Variants in EFCAB5 observed in about 807,000 individuals in gnomAD.
EFCAB5 encodes the protein EF-hand calcium binding domain 5, also known as EF-hand calcium-binding domain-containing protein 5.
In EFCAB5, 131 loss-of-function variants were observed where a neutral mutation model predicts 167.9. The ratio of observed to expected loss-of-function variants is 0.78; its 90% CI spans 0.68 to 0.90. The LOEUF (loss-of-function observed/expected upper bound fraction) is 0.90. EFCAB5 is among the 40% of genes least tolerant of loss of function. The pLI, the probability that EFCAB5 is intolerant of heterozygous loss-of-function variation, is 0.00. For missense variants in EFCAB5, 1,663 were observed against 1,745.2 expected (o/e 0.95, Z 0.84); for synonymous variants, 574 against 602.8 (o/e 0.95, Z 0.70).
intron 3 of EFCAB5, among the ~76,000 whole-genome samples, chr17:29,957,364 A>G (rs185948316): frequency 1.3e-5 from 2 of 152,190 alleles, no homozygotes; most frequent in East Asian, 1.9e-4. Context: ...TGTGCAGTAC[A>G]TGCAGGTTTG....
At chr17:30,082,086 T>C (rs1252885961) in intron 17 of EFCAB5, among the ~76,000 whole-genome samples, 6 of 152,202 alleles carry the variant, frequency 3.9e-5, no homozygotes, top group Admixed American at 6.5e-5. Context: ...GGTCTCCTTA[T>C]GCCTGTAAGA....
chr17:30,033,110 G>T (rs1384887212), intron 7 of EFCAB5, among the ~76,000 whole-genome samples: 1 of 150,340 alleles, frequency 6.7e-6, no homozygotes, highest in Non-Finnish European at 1.5e-5. Context: ...ACGGAGTCTC[G>T]CACTCTCGCC....
chr17:30,038,558 A>C (rs79919398), intron 8 of EFCAB5, among the ~76,000 whole-genome samples: 2 of 152,358 alleles, frequency 1.3e-5, no homozygotes, highest in East Asian at 3.9e-4. Flanking sequence ...GCCCATGGTC[A>C]AGGAGTCAGT....
chr17:29,973,977 G>A (rs1268791294), intron 4 of EFCAB5, among the ~76,000 whole-genome samples: 2 of 151,498 alleles, frequency 1.3e-5, no homozygotes, highest in African/African-American at 4.8e-5. Context: ...GGCCAACATG[G>A]TGAAACCCTG....
chr17:30,072,607 G>A (rs149301120), intron 14 of EFCAB5, among the ~76,000 whole-genome samples: 1 of 152,140 alleles, frequency 6.6e-6, no homozygotes, highest in African/African-American at 2.4e-5. Flanking sequence ...AAGATTATAA[G>A]TTGGTTGCAG....
chr17:29,967,229 G>C (rs1055409676), intron 3 of EFCAB5, among the ~76,000 whole-genome samples: 3 of 152,184 alleles, frequency 2.0e-5, no homozygotes, highest in Non-Finnish European at 4.4e-5. Flanking sequence ...ATTTGAATTT[G>C]AGATTCTCTA....
chr17:30,090,272 G>C, intron 19 of EFCAB5, 149 bp from the exon 20 acceptor site: 1 of 1,004,542 alleles, frequency 1.0e-6, no homozygotes, highest in South Asian at 1.7e-5. Context: ...GAAATCAAGG[G>C]CTAGAATGCT....
At position 29,990,568 on chromosome 17, in the gene EFCAB5, C is replaced by T. The variant is rs1354144420; in HGVS notation, c.768-2597C>T. ...TAAACTAGATCTACCTAGAAGTAATCCTGTCATCCCCACTGGCAACAAATG... is the reference window on the plus strand; with the variant it reads ...TAAACTAGATCTACCTAGAAGTAATTCTGTCATCCCCACTGGCAACAAATG... On this transcript the variant is annotated intron_variant, in intron 4 of 22. Transcript: ENST00000394835. Among the ~76,000 whole-genome samples, 5 of 152,180 alleles carry T rather than the reference C, an allele frequency of 3.3e-5. No individual in the cohort carries two copies. In the South Asian group the frequency reaches 6.2e-4, roughly 19 times the overall value.
intron 4 of EFCAB5, among the ~76,000 whole-genome samples, chr17:29,989,994 A>G (rs573725305): frequency 1.3e-5 from 2 of 152,232 alleles, no homozygotes; most frequent in South Asian, 4.1e-4. Flanking sequence ...TCATATGTTG[A>G]CTTTGAGGAC....
chr17:30,029,957 C>T (rs1212637044), intron 7 of EFCAB5, among the ~76,000 whole-genome samples: 2 of 152,132 alleles, frequency 1.3e-5, no homozygotes, highest in Non-Finnish European at 2.9e-5. Flanking sequence ...TACATTGGGA[C>T]TTAGCACATA....
chr17:29,958,500 C>A (rs926246084), intron 3 of EFCAB5, among the ~76,000 whole-genome samples: 3 of 152,126 alleles, frequency 2.0e-5, no homozygotes, highest in Non-Finnish European at 4.4e-5. Flanking sequence ...AAAGATATTT[C>A]AATCTGTTTG....
At chr17:30,026,827 C>T (rs966494106) in intron 7 of EFCAB5, among the ~76,000 whole-genome samples, 3 of 151,980 alleles carry the variant, frequency 2.0e-5, no homozygotes, top group African/African-American at 7.3e-5. Context: ...CCTCCTACTT[C>T]AGTCTCCCAG....
At position 30,078,444 on chromosome 17, in the gene EFCAB5, A is replaced by G. The variant is rs780021215; in HGVS notation, c.2967A>G (p.Ala989=). Residue 989 remains alanine (A), a synonymous_variant, in exon 15 of 23, where the codon GCA becomes GCG. Coordinates refer to ENST00000394835, the MANE Select transcript of EFCAB5 (RefSeq NM_198529.4). ...GGCTGCACCAAATCCAATGTGCTGCAGAGACAAGTGGGGTGTCCCTAGAGC... is the reference window on the plus strand; with the variant it reads ...GGCTGCACCAAATCCAATGTGCTGCGGAGACAAGTGGGGTGTCCCTAGAGC... ...RKWLHQIQCA[A]ETSGVSLEPV... 1 of 1,613,908 alleles carries G rather than the reference A, an allele frequency of 6.2e-7. No individual in the cohort carries two copies. Among genetic ancestry groups the G allele is most frequent in the Non-Finnish European group, 8.5e-7 (1 of 1,179,830 alleles).
At chr17:30,086,609 G>A (rs1218740996) in intron 18 of EFCAB5, among the ~76,000 whole-genome samples, 8 of 151,516 alleles carry the variant, frequency 5.3e-5, no homozygotes, top group Admixed American at 2.0e-4. Flanking sequence ...AAAATTAGCC[G>A]GGGCCGGGTG....
intron 3 of EFCAB5, among the ~76,000 whole-genome samples, chr17:29,946,467 C>T (rs9904708): frequency 0.017 from 2,178 of 129,318 alleles, 62 homozygotes; most frequent in African/African-American, 0.06. Context: ...GACAGAGTCT[C>T]GCTCTGTCAC....
intron 3 of EFCAB5, among the ~76,000 whole-genome samples, chr17:29,964,943 C>A (rs962275894): frequency 2.0e-5 from 3 of 151,588 alleles, no homozygotes; most frequent in Non-Finnish European, 4.4e-5. Flanking sequence ...ACTCTGTCGT[C>A]CAGGCTAGAG....
chr17:30,104,580 A>G (rs2071422859), intron 22 of EFCAB5, among the ~76,000 whole-genome samples: 2 of 151,956 alleles, frequency 1.3e-5, no homozygotes, highest in South Asian at 4.1e-4. Context: ...TTCTATGGTT[A>G]TAAAAGAAGC....
chr17:30,042,350 T>G (rs2069797573), intron 8 of EFCAB5, among the ~76,000 whole-genome samples: 1 of 152,180 alleles, frequency 6.6e-6, no homozygotes, highest in South Asian at 2.1e-4. Context: ...CAAAGCGAAT[T>G]TGTGTGACTC....
chr17:30,041,890 A>G (rs1026372232), intron 8 of EFCAB5, among the ~76,000 whole-genome samples: 1 of 152,240 alleles, frequency 6.6e-6, no homozygotes, highest in African/African-American at 2.4e-5. Flanking sequence ...AGCATTTTTT[A>G]GCAATAAAGT....
Sources: allele counts gnomAD v4.1 joint callset (sites outside exome capture counted in the v4.1 genomes callset), GRCh38; gene constraint gnomAD v4.1.1; transcripts MANE v1.5; gene names NCBI Gene and HGNC (gene_info 2026-07-23, HGNC 2026-07-21).